PTPRD: variants seen among roughly 807,000 people sequenced by gnomAD.
PTPRD encodes protein tyrosine phosphatase receptor type D, also known as receptor-type tyrosine-protein phosphatase delta.
In PTPRD, 34 loss-of-function variants were observed where a neutral mutation model predicts 214.5. That is an observed-to-expected ratio of 0.16 (90% CI 0.12 to 0.21). The LOEUF is 0.21. PTPRD is among the 10% of genes least tolerant of loss of function. PTPRD has a pLI of 1.00. For missense variants in PTPRD, 2,545 were observed against 2,398.7 expected (o/e 1.06, Z -1.27); for synonymous variants, 1,128 against 845.7 (o/e 1.33, Z -5.79).
chr9:9,155,945 A>G (rs1286571238), intron 10 of PTPRD, among the ~76,000 whole-genome samples: 1 of 152,152 alleles, frequency 6.6e-6, no homozygotes, highest in Non-Finnish European at 1.5e-5. Context: ...TTCCTTGAAC[A>G]GAGACTTCAG....
At chr9:9,415,689 TG>T (rs2076783658) in intron 8 of PTPRD, among the ~76,000 whole-genome samples, 1 of 152,174 alleles carries the variant, frequency 6.6e-6, no homozygotes, top group Admixed American at 6.5e-5. Context: ...ACAAAATTTT[TG>T]ACCCAGTAAA....
chr9:9,802,021 A>T (rs1427244963), intron 5 of PTPRD, among the ~76,000 whole-genome samples: 1 of 152,120 alleles, frequency 6.6e-6, no homozygotes, highest in Non-Finnish European at 1.5e-5. Flanking sequence ...TGAGAAAAAA[A>T]TAGTCTGTTT....
intron 3 of PTPRD, among the ~76,000 whole-genome samples, chr9:10,324,754 A>T (rs1213012056): frequency 2.0e-5 from 3 of 152,026 alleles, no homozygotes; most frequent in African/African-American, 7.2e-5. Flanking sequence ...TAGATTTTGA[A>T]AACATAACCT....
chr9:9,429,817 T>C (rs575843001), intron 8 of PTPRD, among the ~76,000 whole-genome samples: 2 of 152,144 alleles, frequency 1.3e-5, no homozygotes, highest in African/African-American at 4.8e-5. Context: ...ATAGTCTCAA[T>C]AGATGCAGAA....
intron 8 of PTPRD, among the ~76,000 whole-genome samples, chr9:9,513,091 A>G (rs1206423469): frequency 6.6e-6 from 1 of 151,932 alleles, no homozygotes; most frequent in East Asian, 1.9e-4. Context: ...AGAGGGACTC[A>G]TCTTCTAACC....
intron 7 of PTPRD, among the ~76,000 whole-genome samples, chr9:9,734,023 G>A (rs2098248052): frequency 6.6e-6 from 1 of 152,102 alleles, no homozygotes; most frequent in Non-Finnish European, 1.5e-5. Flanking sequence ...ATGTTGCAAG[G>A]ATTTTAAGAG....
At chr9:10,029,247 G>T (rs999625217) in intron 4 of PTPRD, among the ~76,000 whole-genome samples, 1 of 152,198 alleles carries the variant, frequency 6.6e-6, no homozygotes, top group Non-Finnish European at 1.5e-5. Flanking sequence ...GAGAACCTCT[G>T]CTAGGGCAGT....
At chr9:8,964,082 G>C (rs527643407) in intron 11 of PTPRD, among the ~76,000 whole-genome samples, 3 of 150,998 alleles carry the variant, frequency 2.0e-5, no homozygotes, top group Non-Finnish European at 4.4e-5. Flanking sequence ...TCATAGAGGA[G>C]TCCCTCCTCC....
intron 14 of PTPRD, among the ~76,000 whole-genome samples, chr9:8,617,903 T>C (rs2095664939): frequency 6.6e-6 from 1 of 152,118 alleles, no homozygotes; most frequent in South Asian, 2.1e-4. Flanking sequence ...ACTAGAGAAC[T>C]AAAGATGTAC....
chr9:8,374,126 G>GTC (rs1325380944), intron 39 of PTPRD, among the ~76,000 whole-genome samples: 2 of 77,854 alleles, frequency 2.6e-5, no homozygotes, highest in South Asian at 4.1e-4. Flanking sequence ...GTGTGTGTGT[G>GTC]TGTGTGTGTG....
intron 11 of PTPRD, among the ~76,000 whole-genome samples, chr9:8,823,637 G>C (rs2097118091): frequency 6.6e-6 from 1 of 151,398 alleles, no homozygotes; most frequent in Non-Finnish European, 1.5e-5. Flanking sequence ...GGGAAACAGA[G>C]TGAGACCCTG....
chr9:10,504,450 C>A (rs1024589349), intron 2 of PTPRD, among the ~76,000 whole-genome samples: 4 of 152,048 alleles, frequency 2.6e-5, no homozygotes, highest in Non-Finnish European at 5.9e-5. Flanking sequence ...ATTTTGATTG[C>A]CACATGGTAT....
At chr9:9,673,153 C>A (rs779581055) in intron 7 of PTPRD, among the ~76,000 whole-genome samples, 2 of 151,928 alleles carry the variant, frequency 1.3e-5, no homozygotes, top group African/African-American at 4.8e-5. Context: ...CTTTTTATCA[C>A]ACATTTTCAA....
intron 30 of PTPRD, among the ~76,000 whole-genome samples, chr9:8,482,505 C>T: frequency 6.6e-6 from 1 of 152,028 alleles, no homozygotes. Context: ...ACCTTCAAAC[C>T]TGGCATAGCA....
chr9:10,352,641 T>C (rs1209127409), intron 2 of PTPRD, among the ~76,000 whole-genome samples: 1 of 152,050 alleles, frequency 6.6e-6, no homozygotes, highest in Non-Finnish European at 1.5e-5. Context: ...ATTGAATGTA[T>C]TGCTTGTTCA....
chr9:8,464,815 G>C (rs1006355072), intron 32 of PTPRD, among the ~76,000 whole-genome samples: 2 of 150,660 alleles, frequency 1.3e-5, no homozygotes, highest in Admixed American at 1.3e-4. Context: ...AATACCTTAG[G>C]AATTCTCTCT....
intron 2 of PTPRD, among the ~76,000 whole-genome samples, chr9:10,546,661 A>G (rs2060238478): frequency 6.6e-6 from 1 of 152,046 alleles, no homozygotes; most frequent in African/African-American, 2.4e-5. Context: ...ATCCATTTTT[A>G]TTGAATGTTG....
chr9:8,858,521 C>T (rs556470785), intron 11 of PTPRD, among the ~76,000 whole-genome samples: 20 of 152,228 alleles, frequency 1.3e-4, no homozygotes, highest in Admixed American at 5.2e-4. Context: ...CCAGGAAAGT[C>T]ATTGGAAAGG....
intron 14 of PTPRD, among the ~76,000 whole-genome samples, chr9:8,594,860 C>CCT (rs1491450284): frequency 7.7e-6 from 1 of 130,586 alleles, no homozygotes; most frequent in African/African-American, 3.0e-5. Flanking sequence ...TGTTTAACCC[C>CCT]TTTTTTTTTT....
Sources: allele counts gnomAD v4.1 joint callset (sites outside exome capture counted in the v4.1 genomes callset), GRCh38; gene constraint gnomAD v4.1.1; transcripts MANE v1.5; gene names NCBI Gene and HGNC (gene_info 2026-07-23, HGNC 2026-07-21).